Variants in SH3PXD2A observed in about 807,000 individuals in gnomAD.
The protein encoded by SH3PXD2A is SH3 and PX domains 2A, also known as SH3 and PX domain-containing protein 2A.
A neutral mutation model predicts 115.2 loss-of-function variants in SH3PXD2A; 32 were observed. That is an observed-to-expected ratio of 0.28 (90% CI 0.21 to 0.37). The LOEUF (loss-of-function observed/expected upper bound fraction) is 0.37, where lower values mean the gene tolerates loss of function less well. Among genes scored for constraint, SH3PXD2A ranks in the 10% least tolerant of loss-of-function variants. The pLI is 1.00. For missense variants in SH3PXD2A, 1,328 were observed against 1,498.7 expected (o/e 0.89, Z 1.88); for synonymous variants, 610 against 629.1 (o/e 0.97, Z 0.45).
At chr10:103,796,161 C>G (rs966055544) in intron 2 of SH3PXD2A, among the ~76,000 whole-genome samples, 18 of 151,674 alleles carry the variant, frequency 1.2e-4, no homozygotes, top group African/African-American at 4.4e-4. Context: ...GAGTTTGAGA[C>G]CAGCCTGGGC....
At chr10:103,621,803 C>T (rs1478146200) in intron 10 of SH3PXD2A, among the ~76,000 whole-genome samples, 1 of 152,124 alleles carries the variant, frequency 6.6e-6, no homozygotes, top group Non-Finnish European at 1.5e-5. Flanking sequence ...CTGATCAGCC[C>T]ATGTGCTGGG....
intron 6 of SH3PXD2A, among the ~76,000 whole-genome samples, chr10:103,673,805 G>A (rs1341050366): frequency 3.3e-5 from 5 of 152,178 alleles, no homozygotes; most frequent in Admixed American, 6.5e-5. Context: ...AGCCAACAGC[G>A]AAAACTCCAC....
chr10:103,695,229 T>A (rs1055706084), intron 5 of SH3PXD2A, among the ~76,000 whole-genome samples: 3 of 152,182 alleles, frequency 2.0e-5, no homozygotes, highest in Non-Finnish European at 2.9e-5. Context: ...CAGGGGTGGC[T>A]GCCTCACAGG....
At position 103,756,057 on chromosome 10, in the gene SH3PXD2A, C is replaced by A. The variant is rs1564881399; in HGVS notation, c.229+11037G>T. On this transcript the variant is annotated intron_variant, in intron 3 of 14. Coordinates refer to ENST00000369774, the MANE Select transcript of SH3PXD2A (RefSeq NM_001394015.1). This position sits in a 1 kb window ranked among gnomAD's most constrained non-coding sequence, Gnocchi z 4.4. ...GGCTCCATCTTCAGGCCATGCCAGT[C>A]CCCTGGGGCCAACTGTGGTCTGGAG... 6.6e-6 allele frequency among the ~76,000 whole-genome samples: 1 copy of A among 152,218 alleles called. No individual in the cohort carries two copies. Among genetic ancestry groups the A allele is most frequent in the African/African-American group, 2.4e-5 (1 of 41,458 alleles).
At chr10:103,730,487 G>T in intron 4 of SH3PXD2A, among the ~76,000 whole-genome samples, 1 of 151,784 alleles carries the variant, frequency 6.6e-6, no homozygotes, top group Admixed American at 6.6e-5. Context: ...TAGAAAGCTG[G>T]GGTCTCACTG....
chr10:103,632,601 CCTGT>C (rs3837346), intron 8 of SH3PXD2A, among the ~76,000 whole-genome samples: 44,784 of 151,900 alleles, frequency 0.29, 7,267 homozygotes, highest in South Asian at 0.52. Context: ...GGTATTTGAG[CCTGT>C]CTATCTTTGC....
chr10:103,603,862 T>C (rs1449033616), intron 14 of SH3PXD2A, 73 bp from the exon 15 acceptor site: 2 of 1,445,786 alleles, frequency 1.4e-6, no homozygotes, highest in Non-Finnish European at 1.8e-6. Flanking sequence ...GGTAGGAGTA[T>C]CATACTTTGG....
chr10:103,700,376 T>C (rs1307199854), intron 5 of SH3PXD2A, among the ~76,000 whole-genome samples: 1 of 152,238 alleles, frequency 6.6e-6, no homozygotes, highest in African/African-American at 2.4e-5. Flanking sequence ...AAAGGACCCG[T>C]AGCCCAATAG....
chr10:103,829,968 A>G (rs7084631), intron 1 of SH3PXD2A, among the ~76,000 whole-genome samples: 151,831 of 152,360 alleles, frequency 1, 75,661 homozygotes, highest in Middle Eastern at 1. Context: ...GCTTCTGTGA[A>G]TGGGTGACAT....
At position 103,628,648 on chromosome 10, in the gene SH3PXD2A, G is replaced by A. The variant is rs944187212; in HGVS notation, c.605-1446C>T. Among the ~76,000 whole-genome samples the A allele has an allele frequency of 4.6e-5, 7 of 151,558 alleles. No homozygotes were observed. The South Asian group carries it at 6.4e-4, about 14-fold the overall frequency. The stretch of plus-strand genomic sequence containing the variant: ...ACAGGATCACTTCCGGAGAACCCCC[G>A]GTCAGGCCCTCTTGCTCCCTGTGCC... On this transcript the variant is annotated intron_variant, in intron 8 of 14. Transcript: ENST00000369774.
chr10:103,848,237 C>T (rs1842866586), intron 1 of SH3PXD2A, among the ~76,000 whole-genome samples: 3 of 152,130 alleles, frequency 2.0e-5, no homozygotes, highest in African/African-American at 2.4e-5. Flanking sequence ...CTCAACCCTT[C>T]CTCCCCAGGA....
chr10:103,647,178 G>T (rs1480745590), intron 8 of SH3PXD2A, among the ~76,000 whole-genome samples: 1 of 152,150 alleles, frequency 6.6e-6, no homozygotes, highest in Non-Finnish European at 1.5e-5. Context: ...CACTCCCCAG[G>T]AAGCGGGCAA....
At chr10:103,624,843 G>A (rs1402431660) in intron 9 of SH3PXD2A, among the ~76,000 whole-genome samples, 1 of 152,160 alleles carries the variant, frequency 6.6e-6, no homozygotes, top group African/African-American at 2.4e-5. Flanking sequence ...GGGGCCTTAG[G>A]CCCAGGGGAC....
At chr10:103,658,628 G>A (rs2134044152) in intron 8 of SH3PXD2A, among the ~76,000 whole-genome samples, 1 of 152,284 alleles carries the variant, frequency 6.6e-6, no homozygotes, top group East Asian at 1.9e-4. Flanking sequence ...GCAACAGACG[G>A]GTTTGAATAG....
At chr10:103,664,104 GC>G (rs1191682551) in intron 7 of SH3PXD2A, among the ~76,000 whole-genome samples, 2 of 152,224 alleles carry the variant, frequency 1.3e-5, no homozygotes, top group Non-Finnish European at 2.9e-5. Flanking sequence ...GAACAGCAGT[GC>G]CTGTTCCATG....
intron 6 of SH3PXD2A, among the ~76,000 whole-genome samples, chr10:103,678,811 C>T (rs529140942): frequency 1.3e-5 from 2 of 152,208 alleles, no homozygotes; most frequent in Non-Finnish European, 2.9e-5. Flanking sequence ...TCCTTTGTCT[C>T]CCAGGAAACG....
intron 3 of SH3PXD2A, chr10:103,753,723 A>C (rs1211285097): frequency 1.3e-5 from 2 of 152,226 alleles, no homozygotes; most frequent in Non-Finnish European, 2.9e-5. Flanking sequence ...TATATGCTTA[A>C]TAAGTAGTAG....
chr10:103,776,974 A>T (rs1294675353), intron 2 of SH3PXD2A, among the ~76,000 whole-genome samples: 1 of 152,230 alleles, frequency 6.6e-6, no homozygotes, highest in Non-Finnish European at 1.5e-5. Context: ...TTAAAAGATA[A>T]ATATCTGTCC....
intron 1 of SH3PXD2A, among the ~76,000 whole-genome samples, chr10:103,827,495 T>C (rs913007917): frequency 1.3e-5 from 2 of 152,224 alleles, no homozygotes; most frequent in Non-Finnish European, 1.5e-5. Context: ...TTGGGCAAGC[T>C]ACATGACTCT....
Sources: allele counts gnomAD v4.1 joint callset (sites outside exome capture counted in the v4.1 genomes callset), GRCh38; gene constraint gnomAD v4.1.1; non-coding constraint Gnocchi (gnomAD v3.1); transcripts MANE v1.5; gene names NCBI Gene and HGNC (gene_info 2026-07-23, HGNC 2026-07-21).